The following ADGRE3 variants were observed in gnomAD, a reference collection of about 807,000 sequenced individuals.
ADGRE3 encodes the protein EGF-like module receptor 3.
Under a neutral mutation model 80.1 loss-of-function variants are expected in ADGRE3, and 88 were observed. The observed-to-expected ratio is 1.10, with a 90% CI of 0.93 to 1.31. ADGRE3 has a LOEUF of 1.31. Ranked by LOEUF, ADGRE3 falls within the 40% of genes most tolerant of loss-of-function variation. The probability of loss-of-function intolerance (pLI) is 0.00; values close to 1 mark genes in which losing one functional copy is unlikely to be tolerated. For missense variants in ADGRE3, 715 were observed against 776.5 expected, an observed-to-expected ratio of 0.92 and a Z score of 0.94; for synonymous variants, 281 against 294.8, an observed-to-expected ratio of 0.95 and a Z score of 0.48.
chr19:14,627,287 C>T (rs995813207), intron 14 of ADGRE3, among the ~76,000 whole-genome samples: 2 of 152,182 alleles, frequency 1.3e-5, no homozygotes. Context: ...CCATAAACAC[C>T]CATACCTACA....
At chr19:14,674,719 C>T in intron 1 of ADGRE3, 27 bp downstream of exon 1, 1 of 1,611,358 alleles carries the variant, frequency 6.2e-7, no homozygotes, top group Non-Finnish European at 8.5e-7. Context: ...TAGGTTAAGC[C>T]TCAGTCATTG....
At chr19:14,647,133 G>C in intron 8 of ADGRE3, 48 bp downstream of exon 8, 1 of 1,506,812 alleles carries the variant, frequency 6.6e-7, no homozygotes, top group African/African-American at 1.4e-5. Flanking sequence ...ACATCGTTTG[G>C]CCTGCCTCCT....
chr19:14,648,713 A>C (rs1310675909), intron 7 of ADGRE3, among the ~76,000 whole-genome samples: 1 of 152,158 alleles, frequency 6.6e-6, no homozygotes, highest in Non-Finnish European at 1.5e-5. Flanking sequence ...GGCCTTATCC[A>C]ATCAGTTGAA....
intron 15 of ADGRE3, among the ~76,000 whole-genome samples, chr19:14,623,390 C>A (rs1970647870): frequency 6.6e-6 from 1 of 152,070 alleles, no homozygotes; most frequent in African/African-American, 2.4e-5. Context: ...AGCCACCATG[C>A]CCAGCCTCTT....
At chr19:14,641,142 C>G (rs142375072) in intron 10 of ADGRE3, among the ~76,000 whole-genome samples, 1 of 152,138 alleles carries the variant, frequency 6.6e-6, no homozygotes. Context: ...AAAACGCTGT[C>G]GTTCTAAACT....
chr19:14,652,539 G>T (rs1032607951), intron 6 of ADGRE3, among the ~76,000 whole-genome samples: 16 of 151,842 alleles, frequency 1.1e-4, no homozygotes, highest in Non-Finnish European at 2.2e-4. Flanking sequence ...CAGCACTTTT[G>T]CAGGCTGAGG....
intron 7 of ADGRE3, among the ~76,000 whole-genome samples, chr19:14,648,445 G>C (rs1183104202): frequency 2.6e-5 from 4 of 152,204 alleles, no homozygotes. Flanking sequence ...CTTCTCGAAT[G>C]GGACAGCTCA....
At chr19:14,646,360 C>A (rs1192100011) in intron 8 of ADGRE3, among the ~76,000 whole-genome samples, 1 of 152,278 alleles carries the variant, frequency 6.6e-6, no homozygotes, top group South Asian at 2.1e-4. Context: ...ATGATCCCCC[C>A]ACCTTGGCCT....
the ADGRE3 span, among the ~76,000 whole-genome samples, chr19:14,612,037 T>C: frequency 6.6e-6 from 1 of 152,040 alleles, no homozygotes; most frequent in Non-Finnish European, 1.5e-5. Context: ...TTCACTTTAC[T>C]TCTGTGTGGA....
chr19:14,636,061 CT>C (rs141295861), intron 11 of ADGRE3, among the ~76,000 whole-genome samples: 1,343 of 88,990 alleles, frequency 0.015, 129 homozygotes, highest in East Asian at 0.038. Flanking sequence ...TCCTTCCTTC[CT>C]TTCCTTTCCT....
rs1269121721 is a variant in ADGRE3, at chr19:14,666,210, T to C, written c.76+2592A>G. 2.0e-5 allele frequency among the ~76,000 whole-genome samples: 3 copies of C among 151,618 alleles called. No individual in the cohort carries two copies. The South Asian group carries it at 6.2e-4, about 31-fold the overall frequency. On this transcript the variant is annotated intron_variant, in intron 2 of 15. Transcript: ENST00000253673. Reference sequence around the variant, plus strand: ...TCCACAGTGGTTGTACTAGTTTTAATTCCCACCAATAGTGTAAAGTGTTCC... The same window carrying C: ...TCCACAGTGGTTGTACTAGTTTTAACTCCCACCAATAGTGTAAAGTGTTCC...
the ADGRE3 span, chr19:14,610,393 G>A: frequency 1.1e-5 from 7 of 666,366 alleles, no homozygotes; most frequent in East Asian, 1.7e-4. Flanking sequence ...GCTTGCCCTA[G>A]TAGATGGTGA....
intron 4 of ADGRE3, among the ~76,000 whole-genome samples, chr19:14,661,460 C>T (rs1217638243): frequency 6.6e-6 from 1 of 152,112 alleles, no homozygotes; most frequent in Non-Finnish European, 1.5e-5. Context: ...CATTTTTTGG[C>T]CTGTTAGCCT....
chr19:14,610,734 C>T, the ADGRE3 span: 289 of 153,672 alleles, frequency 1.9e-3, 2 homozygotes, highest in South Asian at 8.5e-3. Flanking sequence ...TTGCCCAGGC[C>T]AGTCTCAAAC....
rs1158142057 is a variant in ADGRE3 at position 14,636,145 on chromosome 19, T to TTCTTCCTTCCTTCCTTC, written c.1484+1959_1484+1960insGAAGGAAGGAAGGAAGA. On this transcript the variant is annotated intron_variant, in intron 11 of 15. Coordinates refer to ENST00000253673, the MANE Select transcript of ADGRE3 (RefSeq NM_032571.5). ...TTCTTTCTTTCTTTCTTTCTTTCTT[T>TTCTTCCTTCCTTCCTTC]CTTTCTTCCTTTCCTCCTTTCCTTT... Among the ~76,000 whole-genome samples, 15 of 22,240 alleles carry TTCTTCCTTCCTTCCTTC rather than the reference T, an allele frequency of 6.7e-4. 3 individuals are homozygous for TTCTTCCTTCCTTCCTTC. Among genetic ancestry groups the TTCTTCCTTCCTTCCTTC allele is most frequent in the African/African-American group, 1.7e-3 (14 of 8,182 alleles). The allele number at this position is 22,240 out of a possible 152,430, so 14.6% of individuals were successfully genotyped here.
chr19:14,662,285 T>G (rs1356989978), intron 3 of ADGRE3, among the ~76,000 whole-genome samples, 167 bp from the exon 4 acceptor site: 3 of 151,638 alleles, frequency 2.0e-5, no homozygotes, highest in African/African-American at 7.3e-5. Context: ...TTGACTTTGG[T>G]GGGGTTCTCC....
chr19:14,667,468 A>G (rs906110157), intron 2 of ADGRE3, among the ~76,000 whole-genome samples: 1 of 152,168 alleles, frequency 6.6e-6, no homozygotes, highest in Non-Finnish European at 1.5e-5. Context: ...AGACTGGATT[A>G]AGAAAATGTG....
chr19:14,615,202 C>CTTTTTTTTTTTTTTTTTT (rs34167082), downstream of ADGRE3, among the ~76,000 whole-genome samples: 1 of 65,634 alleles, frequency 1.5e-5, no homozygotes, highest in Non-Finnish European at 2.8e-5. Context: ...CAGCTGCCTT[C>CTTTTTTTTTTTTTTTTTT]TTTTTTTTTT....
intron 11 of ADGRE3, among the ~76,000 whole-genome samples, chr19:14,633,659 C>T (rs1028599413): frequency 4.7e-5 from 7 of 149,284 alleles, no homozygotes; most frequent in African/African-American, 1.2e-4. Context: ...GAGCCAAGAT[C>T]GCGCCACCGC....
Sources: gnomAD v4.1 joint callset for allele counts (sites outside exome capture counted in the v4.1 genomes callset) on GRCh38, gnomAD v4.1.1 for gene constraint, MANE v1.5 for transcripts, NCBI Gene and HGNC (gene_info 2026-07-23, HGNC 2026-07-21) for gene names.